The following CYB5A variants were observed in gnomAD, a reference collection of about 807,000 sequenced individuals.
CYB5A encodes cytochrome b5.
A neutral mutation model predicts 16.2 loss-of-function variants in CYB5A; 10 were observed. The ratio of observed to expected loss-of-function variants is 0.62; its 90% CI spans 0.38 to 1.04. The LOEUF is 1.04. CYB5A is among the 50% of genes least tolerant of loss of function. The pLI is 0.01. For synonymous variants in CYB5A, 62 were observed against 57.0 expected (o/e 1.09, Z -0.40); for missense variants, 161 against 165.9 (o/e 0.97, Z 0.16).
intron 1 of CYB5A, among the ~76,000 whole-genome samples, chr18:74,287,891 C>T (rs1033136658): frequency 1.3e-5 from 2 of 152,078 alleles, no homozygotes; most frequent in Admixed American, 1.3e-4. Flanking sequence ...ACATTTCTCC[C>T]CCTGGTCCTA....
At chr18:74,257,618 T>G (rs1377672259) in intron 3 of CYB5A, 1 of 152,174 alleles carries the variant, frequency 6.6e-6, no homozygotes, top group African/African-American at 2.4e-5. Context: ...GGTTAACAAT[T>G]AAATCAGTGT....
At chr18:74,283,955 G>A (rs930603864) in intron 1 of CYB5A, among the ~76,000 whole-genome samples, 2 of 152,086 alleles carry the variant, frequency 1.3e-5, no homozygotes, top group African/African-American at 2.4e-5. Context: ...AGCACAGGCC[G>A]GGCGCAGTGG....
At chr18:74,274,314 T>C (rs1370940031) in intron 1 of CYB5A, among the ~76,000 whole-genome samples, 1 of 152,204 alleles carries the variant, frequency 6.6e-6, no homozygotes, top group South Asian at 2.1e-4. Context: ...AAATGCTAAA[T>C]AAATGTATTA....
At chr18:74,258,639 C>T (rs992651944) in intron 3 of CYB5A, 1 of 152,188 alleles carries the variant, frequency 6.6e-6, no homozygotes, top group African/African-American at 2.4e-5. Flanking sequence ...TTTACTTCCA[C>T]TAAACCAAAA....
At chr18:74,269,176 G>A (rs983875812) in intron 1 of CYB5A, among the ~76,000 whole-genome samples, 9 of 152,176 alleles carry the variant, frequency 5.9e-5, no homozygotes, top group South Asian at 4.2e-4. Context: ...CAGTAATGTC[G>A]GCTCCCAGCT....
At position 74,263,492 on chromosome 18, in the gene CYB5A, G is replaced by C. The variant is rs200501302; in HGVS notation, c.130-15C>G. On this transcript the variant is annotated splice_polypyrimidine_tract_variant and intron_variant, in intron 1 of 4. Transcript: ENST00000340533. ...CCACCAGGATGCTGTTCAAAGGAGA[G>C]GTAGAATAAAAATTTTTTTTTCAGG... 2 of 1,613,904 alleles carry C rather than the reference G, an allele frequency of 1.2e-6. No individual in the cohort carries two copies. The highest frequency in any genetic ancestry group is 1.1e-5 in the South Asian group (1 of 91,084).
chr18:74,255,074 T>TG, intron 4 of CYB5A, among the ~76,000 whole-genome samples: 1 of 152,264 alleles, frequency 6.6e-6, no homozygotes, highest in East Asian at 1.9e-4. Flanking sequence ...GGCTTGTTAA[T>TG]GAAGAGTAAG....
At chr18:74,273,126 A>G (rs1046839846) in intron 1 of CYB5A, among the ~76,000 whole-genome samples, 6 of 152,216 alleles carry the variant, frequency 3.9e-5, no homozygotes, top group African/African-American at 1.4e-4. Flanking sequence ...GAACACAAAT[A>G]TGGCAGAAAA....
chr18:74,256,529 C>CA (rs80146622), intron 3 of CYB5A: 136,528 of 434,192 alleles, frequency 0.31, 23,009 homozygotes, highest in East Asian at 0.46. Context: ...CATACTTCTC[C>CA]AACAGCTGAA....
chr18:74,268,945 T>C (rs954019126), intron 1 of CYB5A, among the ~76,000 whole-genome samples: 1 of 152,232 alleles, frequency 6.6e-6, no homozygotes, highest in Non-Finnish European at 1.5e-5. Flanking sequence ...CTCGACAGCA[T>C]ATGAGAATCC....
At chr18:74,258,029 T>G (rs1364909131) in intron 3 of CYB5A, 1 of 152,206 alleles carries the variant, frequency 6.6e-6, no homozygotes, top group Non-Finnish European at 1.5e-5. Context: ...CCAACAAGCT[T>G]TTGTGAATCA....
intron 1 of CYB5A, among the ~76,000 whole-genome samples, chr18:74,275,067 A>C (rs762283865): frequency 1.3e-5 from 2 of 152,136 alleles, no homozygotes; most frequent in Admixed American, 6.5e-5. Context: ...ACGGTGGAGA[A>C]TTTCTGCAGC....
At chr18:74,283,486 G>A (rs1209078460) in intron 1 of CYB5A, among the ~76,000 whole-genome samples, 1 of 152,184 alleles carries the variant, frequency 6.6e-6, no homozygotes, top group Non-Finnish European at 1.5e-5. Flanking sequence ...AAACAGGAAT[G>A]GCTGTTTCCT....
At chr18:74,258,062 A>G (rs541640370) in intron 3 of CYB5A, 1 of 152,356 alleles carries the variant, frequency 6.6e-6, no homozygotes, top group Non-Finnish European at 1.5e-5. Context: ...TTATAAGTTC[A>G]TCTAACGTAA....
chr18:74,266,045 T>G (rs530329812), intron 1 of CYB5A, among the ~76,000 whole-genome samples: 171 of 152,302 alleles, frequency 1.1e-3, no homozygotes, highest in Non-Finnish European at 2.1e-3. Context: ...ATTCCCCAAT[T>G]TACTGAAATG....
At chr18:74,283,642 C>CTGCACCCA (rs1452952065) in intron 1 of CYB5A, among the ~76,000 whole-genome samples, 18 of 152,216 alleles carry the variant, frequency 1.2e-4, no homozygotes, top group African/African-American at 4.3e-4. Flanking sequence ...CTCCAGAGAA[C>CTGCACCCA]TCTCCAGTGA....
intron 1 of CYB5A, among the ~76,000 whole-genome samples, chr18:74,269,732 C>A (rs1255871089): frequency 2.6e-5 from 4 of 152,180 alleles, no homozygotes; most frequent in Admixed American, 2.6e-4. Context: ...CAGTTGGCAA[C>A]CTTCAAAACA....
intron 1 of CYB5A, 108 bp downstream of exon 1, chr18:74,291,639 C>G: frequency 1.3e-6 from 2 of 1,531,920 alleles, no homozygotes; most frequent in Admixed American, 3.5e-5. Flanking sequence ...GGGGGGCGCG[C>G]CTAGGCGTAG....
At chr18:74,270,294 C>A (rs896455059) in intron 1 of CYB5A, among the ~76,000 whole-genome samples, 1 of 152,112 alleles carries the variant, frequency 6.6e-6, no homozygotes, top group Non-Finnish European at 1.5e-5. Context: ...GTGGCTGACG[C>A]CTGTAATCCC....
Sources: allele counts gnomAD v4.1 joint callset (sites outside exome capture counted in the v4.1 genomes callset), GRCh38; gene constraint gnomAD v4.1.1; transcripts MANE v1.5; gene names NCBI Gene and HGNC (gene_info 2026-07-23, HGNC 2026-07-21).